DTWD2: variants seen among roughly 807,000 people sequenced by gnomAD.
DTWD2 encodes DTW motif tRNA-uridine aminocarboxypropyltransferase 2.
Under a neutral mutation model 31.8 loss-of-function variants are expected in DTWD2, and 39 were observed. The observed-to-expected ratio is 1.22, with a 90% confidence interval of 0.95 to 1.60. The LOEUF (loss-of-function observed/expected upper bound fraction) is 1.60. DTWD2 is among the 40% of genes most tolerant of loss of function. The pLI, the probability that DTWD2 is intolerant of heterozygous loss-of-function variation, is 0.00. For missense variants in DTWD2, 515 were observed against 381.5 expected, an observed-to-expected ratio of 1.35 and a Z score of -2.92; for synonymous variants, 180 against 142.8, an observed-to-expected ratio of 1.26 and a Z score of -1.86.
intron 1 of DTWD2, among the ~76,000 whole-genome samples, chr5:118,961,609 C>G (rs1006943375): frequency 6.6e-6 from 1 of 152,160 alleles, no homozygotes; most frequent in Non-Finnish European, 1.5e-5. Flanking sequence ...ATCCTCTGCT[C>G]CTTATTCACT....
rs183007682 is a variant in DTWD2, at chr5:118,898,414, T to C, written c.597+30123A>G. On this transcript the variant is annotated intron_variant, in intron 4 of 5. Transcript: ENST00000510708. ...GGCTCACGCCTGTAATCCCAGCACT[T>C]TGGGAGGCTGAGGTAGGCAGATCAC... Among the ~76,000 whole-genome samples the C allele has an allele frequency of 8.5e-4, 129 of 151,772 alleles. 1 individual carries two copies. The highest frequency in any genetic ancestry group is 3.0e-3 in the African/African-American group (122 of 41,288).
chr5:118,851,386 T>TATCG (rs60721482), intron 4 of DTWD2, among the ~76,000 whole-genome samples: 9,892 of 151,996 alleles, frequency 0.065, 368 homozygotes, highest in Middle Eastern at 0.17. Context: ...CAACATCACA[T>TATCG]ATCGGTAGGA....
chr5:118,984,184 G>T (rs759820985), intron 1 of DTWD2, among the ~76,000 whole-genome samples: 17 of 152,280 alleles, frequency 1.1e-4, no homozygotes, highest in Middle Eastern at 3.4e-3. Flanking sequence ...AGCTACTCAG[G>T]AGGCTGAGGC....
At position 118,867,799 on chromosome 5, in the gene DTWD2, T is replaced by C. The variant is rs997104362; in HGVS notation, c.598-19581A>G. ...CACCAATAAATGGAAAAATACCCCA[T>C]GTTCATGGGTTAAAAGACTTAATAT... On this transcript the variant is annotated intron_variant, in intron 4 of 5. Coordinates refer to ENST00000510708, the MANE Select transcript of DTWD2 (RefSeq NM_173666.4). Among the ~76,000 whole-genome samples the C allele has an allele frequency of 3.3e-5, 5 of 152,296 alleles. No homozygotes were observed. The East Asian group carries it at 9.6e-4, about 29-fold the overall frequency.
intron 4 of DTWD2, among the ~76,000 whole-genome samples, chr5:118,902,896 T>C (rs1753246926): frequency 6.6e-6 from 1 of 152,102 alleles, no homozygotes; most frequent in Non-Finnish European, 1.5e-5. Context: ...TATCCTTTTA[T>C]ACCACATAGT....
chr5:118,950,078 C>T (rs1486442143), intron 1 of DTWD2, among the ~76,000 whole-genome samples: 1 of 151,776 alleles, frequency 6.6e-6, no homozygotes, highest in Non-Finnish European at 1.5e-5. Context: ...GGCATGGTGG[C>T]GGACGCCTGT....
At chr5:118,957,176 T>C (rs181163283) in intron 1 of DTWD2, among the ~76,000 whole-genome samples, 85 of 152,260 alleles carry the variant, frequency 5.6e-4, no homozygotes, top group Non-Finnish European at 9.7e-4. Context: ...CTCTTATAAC[T>C]GGCTTTAGGA....
chr5:118,848,093 T>C lies in DTWD2; in HGVS notation c.723A>G (p.Gln241=). The change falls in exon 5 of 6, where the codon CAA becomes CAG. Residue 241 remains glutamine (Q), a synonymous_variant. Coordinates refer to ENST00000510708, the MANE Select transcript of DTWD2 (RefSeq NM_173666.4). ...CTATAACCTTACAAAGACGTACCTC[T>C]TGTATGTAATTATTTTTCTCCAAGA... ...LSILEKNNYI[Q]ETLLRPLQAL... 1 of 1,570,104 alleles carries C rather than the reference T, an allele frequency of 6.4e-7. No homozygotes were observed.
At chr5:118,923,765 A>G (rs1375051246) in intron 4 of DTWD2, among the ~76,000 whole-genome samples, 1 of 152,182 alleles carries the variant, frequency 6.6e-6, no homozygotes, top group Non-Finnish European at 1.5e-5. Flanking sequence ...CTGAGGAGGC[A>G]AGGACTGAAG....
intron 4 of DTWD2, among the ~76,000 whole-genome samples, chr5:118,886,075 C>A (rs1752861398): frequency 6.6e-6 from 1 of 152,226 alleles, no homozygotes; most frequent in African/African-American, 2.4e-5. Flanking sequence ...ACAGAAACCA[C>A]TATCCACTTT....
intron 1 of DTWD2, among the ~76,000 whole-genome samples, chr5:118,968,406 C>T (rs771226912): frequency 1.3e-5 from 2 of 152,086 alleles, no homozygotes; most frequent in African/African-American, 2.4e-5. Context: ...AGAATGAAAA[C>T]GGCAAATGAA....
At chr5:118,916,247 C>T (rs375889897) in intron 4 of DTWD2, among the ~76,000 whole-genome samples, 7 of 152,100 alleles carry the variant, frequency 4.6e-5, no homozygotes, top group South Asian at 4.1e-4. Flanking sequence ...TAGTGTTTAC[C>T]GTCACATTTT....
intron 4 of DTWD2, among the ~76,000 whole-genome samples, chr5:118,886,892 G>T (rs960646550): frequency 1.3e-5 from 2 of 152,108 alleles, no homozygotes; most frequent in African/African-American, 4.8e-5. Flanking sequence ...GTAATCCTTT[G>T]ATTTCATAAC....
At chr5:118,845,838 A>C (rs1232328542) in intron 5 of DTWD2, among the ~76,000 whole-genome samples, 1 of 152,216 alleles carries the variant, frequency 6.6e-6, no homozygotes, top group Non-Finnish European at 1.5e-5. Flanking sequence ...TGTCACAATA[A>C]GGATTCCTTT....
intron 1 of DTWD2, among the ~76,000 whole-genome samples, chr5:118,971,697 T>A (rs187923386): frequency 1.3e-5 from 2 of 152,298 alleles, no homozygotes; most frequent in East Asian, 1.9e-4. Context: ...CCTAGACACA[T>A]GGCACTTACT....
intron 1 of DTWD2, among the ~76,000 whole-genome samples, chr5:118,947,982 G>A (rs1754377370): frequency 6.6e-6 from 1 of 152,098 alleles, no homozygotes; most frequent in Non-Finnish European, 1.5e-5. Context: ...AACAAATGTT[G>A]CATAACACAT....
chr5:118,876,341 G>C (rs897277701), intron 4 of DTWD2, among the ~76,000 whole-genome samples: 1 of 152,124 alleles, frequency 6.6e-6, no homozygotes, highest in Non-Finnish European at 1.5e-5. Context: ...CAGAAGACAA[G>C]AAATAACCAC....
chr5:118,889,595 T>C (rs1159907651), intron 4 of DTWD2, among the ~76,000 whole-genome samples: 6 of 152,110 alleles, frequency 3.9e-5, no homozygotes, highest in Non-Finnish European at 8.8e-5. Flanking sequence ...TCTTGATATA[T>C]AGGTTGTCTC....
chr5:118,890,892 C>G (rs6880144), intron 4 of DTWD2, among the ~76,000 whole-genome samples: 39,079 of 151,872 alleles, frequency 0.26, 8,973 homozygotes, highest in African/African-American at 0.62. Flanking sequence ...TAAAATGTGC[C>G]TAGTTCATTT....
Sources: gnomAD v4.1 joint callset for allele counts (sites outside exome capture counted in the v4.1 genomes callset) on GRCh38, gnomAD v4.1.1 for gene constraint, MANE v1.5 for transcripts, NCBI Gene and HGNC (gene_info 2026-07-23, HGNC 2026-07-21) for gene names.